GRB10: variants seen among roughly 807,000 people sequenced by gnomAD.
The protein encoded by GRB10 is growth factor receptor bound protein 10.
GRB10 carries 20 observed loss-of-function variants against 80.9 expected under a neutral mutation model. The ratio of observed to expected loss-of-function variants is 0.25; its 90% CI spans 0.17 to 0.36. The LOEUF (loss-of-function observed/expected upper bound fraction) is 0.36. GRB10 is among the 10% of genes least tolerant of loss of function. The pLI is 1.00. For synonymous variants in GRB10, 291 were observed against 291.5 expected (o/e 1.00, Z 0.02); for missense variants, 548 against 747.7 (o/e 0.73, Z 3.12).
In GRB10 at chr7:50,730,970, G is replaced by A. The variant is rs368356685; in HGVS notation, c.51+1302C>T. Among the ~76,000 whole-genome samples the A allele has an allele frequency of 5.4e-4, 82 of 152,318 alleles. 1 individual carries two copies. The Middle Eastern group carries it at 0.014, about 25-fold the overall frequency. On this transcript the variant is annotated intron_variant, in intron 4 of 18. Transcript: ENST00000401949. ...GAAGTGGCAGGCAGGGGTGAAGGGT[G>A]CAGTCGGGCCCGGACAACTAGCTAA...
At chr7:50,668,031 A>G (rs1253820296) in intron 7 of GRB10, among the ~76,000 whole-genome samples, 1 of 152,250 alleles carries the variant, frequency 6.6e-6, no homozygotes, top group East Asian at 1.9e-4. Context: ...GAAGGTCACC[A>G]GCGAGGTAGA....
At chr7:50,626,089 A>G (rs1274197103) in intron 8 of GRB10, among the ~76,000 whole-genome samples, 5 of 152,252 alleles carry the variant, frequency 3.3e-5, no homozygotes, top group African/African-American at 1.2e-4. Context: ...TATTTATTAG[A>G]TAAGAATTTA....
rs2045757946 is a variant in GRB10, at chr7:50,590,771, G to A, written c.*2181C>T. 6.6e-6 allele frequency: 1 copy of A among 152,484 alleles called. No homozygotes were observed. The highest frequency in any genetic ancestry group is 1.5e-5 in the Non-Finnish European group (1 of 68,044). The allele number at this position is 152,484 out of a possible 1,614,324, so 9.4% of individuals were successfully genotyped here. A position where few individuals can be genotyped will look rare whatever the true frequency, so the allele number is the denominator to read the frequency against. On this transcript the variant is annotated 3_prime_UTR_variant, in exon 19 of 19. Transcript: ENST00000401949. The stretch of plus-strand genomic sequence containing the variant: ...AGGAAGTCTGCCGCCACGTGGAGGC[G>A]GTTTACATTCTCCAACAATTCACTT...
At chr7:50,689,258 T>C (rs186709092) in intron 5 of GRB10, among the ~76,000 whole-genome samples, 10 of 152,202 alleles carry the variant, frequency 6.6e-5, no homozygotes, top group African/African-American at 2.4e-4. Context: ...ACACTAGTTA[T>C]GCAAAGGTAC....
intron 7 of GRB10, among the ~76,000 whole-genome samples, chr7:50,644,110 C>A (rs1469806370): frequency 3.9e-5 from 6 of 152,188 alleles, no homozygotes; most frequent in Non-Finnish European, 7.3e-5. Flanking sequence ...ATCTCTGTTT[C>A]TTTTCCATTC....
intron 7 of GRB10, among the ~76,000 whole-genome samples, chr7:50,666,528 C>G (rs1026270959): frequency 6.6e-6 from 1 of 152,138 alleles, no homozygotes; most frequent in Non-Finnish European, 1.5e-5. Context: ...CACACCAGAG[C>G]TGCAGGTGGA....
chr7:50,639,083 C>A (rs1207121842), intron 7 of GRB10, among the ~76,000 whole-genome samples: 1 of 151,916 alleles, frequency 6.6e-6, no homozygotes, highest in Non-Finnish European at 1.5e-5. Context: ...ATTGGGGACT[C>A]CAAAATGGAG....
At chr7:50,787,861 T>C (rs912774737), upstream of GRB10, among the ~76,000 whole-genome samples, 20 of 152,190 alleles carry the variant, frequency 1.3e-4, no homozygotes, top group Non-Finnish European at 2.1e-4. Context: ...CCCTGCAGCC[T>C]GTCCTGGGCC....
intron 2 of GRB10, among the ~76,000 whole-genome samples, chr7:50,777,239 T>C (rs1248378758): frequency 1.3e-5 from 2 of 152,084 alleles, no homozygotes; most frequent in East Asian, 3.9e-4. Context: ...TGTATCCTCA[T>C]ATGGTGGAAG....
chr7:50,654,992 T>C (rs2058481256), intron 7 of GRB10, among the ~76,000 whole-genome samples: 3 of 152,260 alleles, frequency 2.0e-5, no homozygotes, highest in African/African-American at 4.8e-5. Flanking sequence ...AATGTTGTTC[T>C]TGGTTCATGA....
chr7:50,785,560 G>A (rs1482883524), upstream of GRB10, among the ~76,000 whole-genome samples: 1 of 152,216 alleles, frequency 6.6e-6, no homozygotes, highest in Non-Finnish European at 1.5e-5. Context: ...TCCCAGCACT[G>A]TCTGGAGGAC....
chr7:50,783,471 C>CACATACAT (rs10647494), upstream of GRB10, among the ~76,000 whole-genome samples: 1 of 149,198 alleles, frequency 6.7e-6, no homozygotes, highest in African/African-American at 2.5e-5. Context: ...CCCACCCACT[C>CACATACAT]ACATACATAC....
intron 7 of GRB10, among the ~76,000 whole-genome samples, chr7:50,654,456 G>A (rs2058401938): frequency 1.3e-5 from 2 of 152,194 alleles, no homozygotes; most frequent in Non-Finnish European, 2.9e-5. Context: ...CGAGGTTCTG[G>A]TCAACAGGGA....
chr7:50,664,778 G>A (rs750287452), intron 7 of GRB10, among the ~76,000 whole-genome samples: 1 of 152,134 alleles, frequency 6.6e-6, no homozygotes, highest in South Asian at 2.1e-4. Flanking sequence ...TGGCCTCAGG[G>A]CTCACAAGTC....
chr7:50,688,796 G>C (rs1387286527), intron 5 of GRB10, among the ~76,000 whole-genome samples: 1 of 152,034 alleles, frequency 6.6e-6, no homozygotes, highest in Non-Finnish European at 1.5e-5. Flanking sequence ...GGTGAGGGGG[G>C]GCAGAGGTGG....
intron 13 of GRB10, 133 bp from the exon 14 acceptor site, chr7:50,606,547 C>T: frequency 1.4e-6 from 1 of 719,722 alleles, no homozygotes. Context: ...CTCCAGGAGC[C>T]TGAGTGCCGC....
intron 4 of GRB10, 67 bp downstream of exon 4, chr7:50,732,205 G>A (rs1048823682): frequency 4.1e-5 from 61 of 1,493,846 alleles, no homozygotes; most frequent in South Asian, 2.4e-4. Flanking sequence ...GGCTGCTGGC[G>A]ACATGTGTGC....
At position 50,616,325 on chromosome 7, in the gene GRB10, C is replaced by A. The variant is rs934547821; in HGVS notation, c.869G>T (p.Cys290Phe). ...ATGCAAAAACCCTTGAATTTCAGGA[C>A]AACTACTGGAGTTCAGAAAATTCTG... ...LLQNFLNSSS[C>F]PEIQGFLHVK... The change falls in exon 11 of 19, where the codon TGT becomes TTT. Residue 290 changes from cysteine (C) to phenylalanine (F), a missense_variant. Cys to Phe is a radical substitution (Grantham distance 205). Transcript: ENST00000401949. 6.2e-7 allele frequency: 1 copy of A among 1,614,120 alleles called. No individual in the cohort carries two copies. Among genetic ancestry groups the A allele is most frequent in the Non-Finnish European group, 8.5e-7 (1 of 1,179,970 alleles).
chr7:50,727,986 AT>A (rs1270933576), intron 4 of GRB10: 1 of 152,224 alleles, frequency 6.6e-6, no homozygotes, highest in Non-Finnish European at 1.5e-5. Context: ...CTCACAAAAT[AT>A]CTCCATAACA....
Sources: gnomAD v4.1 joint callset for allele counts (sites outside exome capture counted in the v4.1 genomes callset) on GRCh38, gnomAD v4.1.1 for gene constraint, MANE v1.5 for transcripts, NCBI Gene and HGNC (gene_info 2026-07-23, HGNC 2026-07-21) for gene names.